Variants in CWF19L2 observed in about 807,000 individuals in gnomAD.
CWF19L2 encodes the protein CWF19-like protein 2.
A neutral mutation model predicts 111.7 loss-of-function variants in CWF19L2; 98 were observed. The ratio of observed to expected loss-of-function variants is 0.88; its 90% CI spans 0.75 to 1.04. The LOEUF is 1.04. Ranked by LOEUF, CWF19L2 falls within the 50% of genes least tolerant of loss-of-function variation. The probability of loss-of-function intolerance (pLI) is 0.00; values close to 1 mark genes in which losing one functional copy is unlikely to be tolerated. For synonymous variants in CWF19L2, 351 were observed against 342.9 expected (o/e 1.02, Z -0.26); for missense variants, 1,101 against 1,051.4 (o/e 1.05, Z -0.65).
Position 107,368,248 on chromosome 11 carries a change from A to G in CWF19L2, c.1873-14512T>C, listed in dbSNP as rs1295308947. 2.2e-5 allele frequency among the ~76,000 whole-genome samples: 3 copies of G among 137,546 alleles called. 1 individual carries two copies. The highest frequency in any genetic ancestry group is 4.7e-5 in the Non-Finnish European group (3 of 64,228). The allele number at this position is 137,546 out of a possible 152,430, so 90.2% of individuals were successfully genotyped here. A position where few individuals can be genotyped will look rare whatever the true frequency, so the allele number is the denominator to read the frequency against. The stretch of plus-strand genomic sequence containing the variant: ...CAAATAAACAAAATCAGAAATGTAA[A>G]AGCAGACATTACAACTGATATCACA... On this transcript the variant is annotated intron_variant, in intron 12 of 17. Transcript: ENST00000282251.
chr11:107,328,713 C>T (rs544253090), intron 17 of CWF19L2, among the ~76,000 whole-genome samples: 1 of 152,166 alleles, frequency 6.6e-6, no homozygotes, highest in South Asian at 2.1e-4. Flanking sequence ...TTTTCTAGGA[C>T]CAAATTTTTG....
In CWF19L2 at chr11:107,367,383, T is replaced by C. The variant is rs1260367001; in HGVS notation, c.1873-13647A>G. Among the ~76,000 whole-genome samples, 4 of 127,616 alleles carry C rather than the reference T, an allele frequency of 3.1e-5. 1 individual carries two copies. Among genetic ancestry groups the C allele is most frequent in the Non-Finnish European group, 5.0e-5 (3 of 60,556 alleles). 83.7% of individuals were successfully genotyped at this position (127,616 alleles called of 152,430 possible). ...CTATAAAGACACATGCACACGTATG[T>C]TTATTGAGGCATTATTCACAATAGC... On this transcript the variant is annotated intron_variant, in intron 12 of 17. Coordinates refer to ENST00000282251, the MANE Select transcript of CWF19L2 (RefSeq NM_152434.3).
chr11:107,417,898 T>G (rs894877813), intron 9 of CWF19L2, among the ~76,000 whole-genome samples: 1 of 152,124 alleles, frequency 6.6e-6, no homozygotes, highest in East Asian at 1.9e-4. Context: ...TAGCTGGAAT[T>G]ACAGGCATGC....
chr11:107,442,731 A>G (rs1476997178), intron 4 of CWF19L2, among the ~76,000 whole-genome samples: 1 of 106,198 alleles, frequency 9.4e-6, no homozygotes, highest in Admixed American at 1.1e-4. Context: ...AAAGAGAAAG[A>G]AAGAAAGGAA....
At chr11:107,372,892 TG>T (rs1860533494) in intron 12 of CWF19L2, among the ~76,000 whole-genome samples, 1 of 128,874 alleles carries the variant, frequency 7.8e-6, no homozygotes, top group Admixed American at 7.5e-5. Flanking sequence ...TGCCAGACAG[TG>T]GGCGCAGGCC....
chr11:107,384,197 A>T (rs967967169), intron 12 of CWF19L2, among the ~76,000 whole-genome samples: 2 of 152,206 alleles, frequency 1.3e-5, no homozygotes, highest in Middle Eastern at 3.2e-3. Context: ...ATCCATTTTC[A>T]GGGAAACTAC....
rs887085723 is a variant in CWF19L2 at position 107,415,527 on chromosome 11, T to C, written c.1617+682A>G. ...CACTAACAGATAGATGAATTAATCATAGACCAAAGTAATTTGTTTTATATG... is the reference window on the plus strand; with the variant it reads ...CACTAACAGATAGATGAATTAATCACAGACCAAAGTAATTTGTTTTATATG... On this transcript the variant is annotated intron_variant, in intron 10 of 17. Transcript: ENST00000282251. 4.6e-5 allele frequency among the ~76,000 whole-genome samples: 7 copies of C among 152,206 alleles called. No homozygotes were observed. The South Asian group carries it at 1.4e-3, about 32-fold the overall frequency.
rs201715010 is a variant in CWF19L2 at position 107,433,637 on chromosome 11, A to G, written c.777T>C (p.Tyr259=). The change falls in exon 7 of 18, where the codon TAT becomes TAC. Residue 259 remains tyrosine, a synonymous_variant. Transcript: ENST00000282251. ...RNFEDIVAER[Y]GSMEIFQSKL... ...TCTCCTTAAAACAGATACTCACCCCATATCTTTCGGCTACAATGTCCTCAA... is the reference window on the plus strand; with the variant it reads ...TCTCCTTAAAACAGATACTCACCCCGTATCTTTCGGCTACAATGTCCTCAA... 33 of 1,508,074 alleles carry G rather than the reference A, an allele frequency of 2.2e-5. No individual in the cohort carries two copies. In the East Asian group the frequency reaches 5.9e-4, roughly 27 times the overall value. The allele number at this position is 1,508,074 out of a possible 1,614,324, so 93.4% of individuals were successfully genotyped here.
At chr11:107,407,059 T>C (rs912823499) in intron 10 of CWF19L2, among the ~76,000 whole-genome samples, 1 of 152,104 alleles carries the variant, frequency 6.6e-6, no homozygotes, top group Non-Finnish European at 1.5e-5. Flanking sequence ...TTCTTTCCTT[T>C]TTTTCAGTAT....
chr11:107,404,120 G>A (rs562470854), intron 10 of CWF19L2: 4 of 775,044 alleles, frequency 5.2e-6, no homozygotes, highest in Non-Finnish European at 7.2e-6. Flanking sequence ...GACTGTCTCT[G>A]TCGACTTTCT....
chr11:107,429,748 A>G (rs1220529774), intron 7 of CWF19L2, among the ~76,000 whole-genome samples: 1 of 151,530 alleles, frequency 6.6e-6, no homozygotes, highest in Non-Finnish European at 1.5e-5. Flanking sequence ...TGCAAAAAAT[A>G]CTTAATTCCT....
chr11:107,329,756 G>A (rs1859815048), intron 17 of CWF19L2, among the ~76,000 whole-genome samples, 162 bp downstream of exon 17: 1 of 152,086 alleles, frequency 6.6e-6, no homozygotes, highest in African/African-American at 2.4e-5. Flanking sequence ...TACATTCTGG[G>A]ATATTTTTAT....
At chr11:107,425,179 AACACACACACACAC>A (rs138792527) in intron 8 of CWF19L2, among the ~76,000 whole-genome samples, 3,311 of 144,926 alleles carry the variant, frequency 0.023, 124 homozygotes, top group African/African-American at 0.078. Flanking sequence ...CTCTCTTTGA[AACACACACACACAC>A]ACACACACAC....
At chr11:107,378,478 G>T (rs1017880084) in intron 12 of CWF19L2, among the ~76,000 whole-genome samples, 4 of 152,142 alleles carry the variant, frequency 2.6e-5, no homozygotes, top group African/African-American at 4.8e-5. Flanking sequence ...GGACATGGAT[G>T]AAATTGGAAA....
Position 107,429,331 on chromosome 11 carries a change from C to G in CWF19L2, c.901G>C (p.Glu301Gln), listed in dbSNP as rs374180859. ...TTTACTAAGTCTGATTCTCTACTTTCTTGACAATTTTGTGCTTTATCTGAA... is the reference window on the plus strand; with the variant it reads ...TTTACTAAGTCTGATTCTCTACTTTGTTGACAATTTTGTGCTTTATCTGAA... ...TYSDKAQNCQ[E>Q]SRESDLVKYG... The change falls in exon 8 of 18, where the codon GAA (glutamate) becomes CAA (glutamine). Residue 301 changes from glutamate to glutamine, a missense_variant. By Grantham distance (29) the Glu-to-Gln change is conservative. Coordinates refer to ENST00000282251, the MANE Select transcript of CWF19L2 (RefSeq NM_152434.3). The G allele has an allele frequency of 4.2e-5, 67 of 1,608,594 alleles. No individual in the cohort carries two copies. The highest frequency in any genetic ancestry group is 5.4e-5 in the Non-Finnish European group (64 of 1,176,904).
At chr11:107,381,283 G>GA (rs1860682933) in intron 12 of CWF19L2, among the ~76,000 whole-genome samples, 1 of 152,054 alleles carries the variant, frequency 6.6e-6, no homozygotes, top group African/African-American at 2.4e-5. Context: ...GGACCTGAAC[G>GA]AAAAAACATT....
chr11:107,363,181 C>A (rs925830984), intron 12 of CWF19L2, among the ~76,000 whole-genome samples: 15 of 152,008 alleles, frequency 9.9e-5, no homozygotes, highest in African/African-American at 3.1e-4. Flanking sequence ...TGTGAAAAGA[C>A]CAAATCTACG....
At chr11:107,337,047 T>C (rs1379695694) in intron 14 of CWF19L2, among the ~76,000 whole-genome samples, 2 of 152,192 alleles carry the variant, frequency 1.3e-5, no homozygotes, top group African/African-American at 2.4e-5. Flanking sequence ...AGAACAATCA[T>C]AGGAAAATAT....
intron 10 of CWF19L2, among the ~76,000 whole-genome samples, chr11:107,396,116 A>G (rs1403529082): frequency 3.3e-5 from 5 of 152,198 alleles, no homozygotes; most frequent in Non-Finnish European, 5.9e-5. Context: ...AACCACCTAC[A>G]TGGCATTAAA....
Sources: allele counts gnomAD v4.1 joint callset (sites outside exome capture counted in the v4.1 genomes callset), GRCh38; gene constraint gnomAD v4.1.1; transcripts MANE v1.5; gene names NCBI Gene and HGNC (gene_info 2026-07-23, HGNC 2026-07-21).